Variants in EDAR observed in about 807,000 individuals in gnomAD.
The protein encoded by EDAR is tumor necrosis factor receptor superfamily member EDAR.
In EDAR, 38 loss-of-function variants were observed where a neutral mutation model predicts 51.3. That is an observed-to-expected ratio of 0.74 (90% CI 0.57 to 0.97). EDAR has a LOEUF of 0.97. EDAR is among the 50% of genes least tolerant of loss of function. The pLI, the probability that EDAR is intolerant of heterozygous loss-of-function variation, is 0.00. For missense variants in EDAR, 528 were observed against 595.0 expected (o/e 0.89, Z 1.17); for synonymous variants, 227 against 242.1 (o/e 0.94, Z 0.58).
chr2:108,943,918 C>T (rs974918800), intron 1 of EDAR, among the ~76,000 whole-genome samples: 5 of 152,222 alleles, frequency 3.3e-5, no homozygotes. Flanking sequence ...AGTTACGTTG[C>T]TTCCAAAACA....
intron 1 of EDAR, among the ~76,000 whole-genome samples, chr2:108,978,168 C>T (rs764865802): frequency 1.3e-5 from 2 of 152,216 alleles, no homozygotes; most frequent in African/African-American, 2.4e-5. Flanking sequence ...AGTACAGGGC[C>T]TGCTGAGCTA....
chr2:108,923,858 C>T (rs977905331), intron 4 of EDAR, among the ~76,000 whole-genome samples: 1 of 152,246 alleles, frequency 6.6e-6, no homozygotes, highest in Non-Finnish European at 1.5e-5. Flanking sequence ...TCTGTGAGCA[C>T]CCTCCCCAGA....
intron 11 of EDAR, among the ~76,000 whole-genome samples, chr2:108,899,874 T>C (rs1030339462): frequency 6.6e-6 from 1 of 151,986 alleles, no homozygotes; most frequent in Non-Finnish European, 1.5e-5. Flanking sequence ...TAATCCCAGC[T>C]ACTCGGGAGG....
intron 1 of EDAR, among the ~76,000 whole-genome samples, chr2:108,975,371 G>A (rs147548633): frequency 6.6e-6 from 1 of 152,354 alleles, no homozygotes; most frequent in African/African-American, 2.4e-5. Flanking sequence ...GCTTGTGGGT[G>A]CAGCTCAGCC....
chr2:108,972,710 C>G (rs1253103286), intron 1 of EDAR, among the ~76,000 whole-genome samples: 1 of 152,248 alleles, frequency 6.6e-6, no homozygotes, highest in Admixed American at 6.5e-5. Flanking sequence ...AAATAAGCAG[C>G]CCTCATCTGA....
chr2:108,953,034 G>A (rs1052111671), intron 1 of EDAR, among the ~76,000 whole-genome samples: 3 of 152,122 alleles, frequency 2.0e-5, no homozygotes, highest in African/African-American at 7.2e-5. Flanking sequence ...ACATATTTAT[G>A]TGGTACATGA....
At chr2:108,911,851 C>A (rs1204199492) in intron 6 of EDAR, among the ~76,000 whole-genome samples, 2 of 152,306 alleles carry the variant, frequency 1.3e-5, no homozygotes, top group African/African-American at 4.8e-5. Context: ...GGGCGCTGAG[C>A]CTCCCCTGTG....
At chr2:108,941,589 AG>A (rs138017179) in intron 1 of EDAR, among the ~76,000 whole-genome samples, 106 of 152,332 alleles carry the variant, frequency 7.0e-4, no homozygotes, top group Non-Finnish European at 1.3e-3. Context: ...CATGGCCAAC[AG>A]GGAAGAGTAG....
At chr2:108,945,664 C>T (rs1382279884) in intron 1 of EDAR, among the ~76,000 whole-genome samples, 1 of 152,128 alleles carries the variant, frequency 6.6e-6, no homozygotes, top group Non-Finnish European at 1.5e-5. Context: ...TTTCTAAATG[C>T]CATGGATCCC....
At chr2:108,962,630 G>C (rs1037204348) in intron 1 of EDAR, among the ~76,000 whole-genome samples, 1 of 137,466 alleles carries the variant, frequency 7.3e-6, no homozygotes, top group Non-Finnish European at 1.5e-5. Context: ...AGCCGAGATC[G>C]CTCCACTGCC....
At chr2:108,988,842 C>G (rs917544304) in intron 1 of EDAR, 118 bp downstream of exon 1, 3 of 152,216 alleles carry the variant, frequency 2.0e-5, no homozygotes, top group South Asian at 2.1e-4. Flanking sequence ...TGTTCAAACG[C>G]AACCCAAAAA....
At chr2:108,919,802 G>A (rs963354453) in intron 5 of EDAR, among the ~76,000 whole-genome samples, 8 of 152,202 alleles carry the variant, frequency 5.3e-5, no homozygotes, top group African/African-American at 1.9e-4. Context: ...CCCGCACTAC[G>A]AAGCTGCCTC....
chr2:108,906,162 G>GT (rs1558798799), intron 11 of EDAR, 146 bp downstream of exon 11: 4 of 780,176 alleles, frequency 5.1e-6, no homozygotes, highest in Admixed American at 2.1e-5. Context: ...ACCTGAAATA[G>GT]TTTCCAGCGG....
chr2:108,925,464 G>T (rs930766449), intron 4 of EDAR, among the ~76,000 whole-genome samples: 5 of 152,202 alleles, frequency 3.3e-5, no homozygotes, highest in Non-Finnish European at 7.3e-5. Context: ...CATGGGGAGG[G>T]TGGTGGCTCT....
chr2:108,946,179 G>A (rs1376289503), intron 1 of EDAR, among the ~76,000 whole-genome samples: 1 of 152,140 alleles, frequency 6.6e-6, no homozygotes, highest in Non-Finnish European at 1.5e-5. Flanking sequence ...CAGCTGTGAG[G>A]AGCTGTCAGG....
chr2:108,905,846 G>A (rs917216107), intron 11 of EDAR, among the ~76,000 whole-genome samples: 1 of 152,206 alleles, frequency 6.6e-6, no homozygotes, highest in Admixed American at 6.5e-5. Flanking sequence ...ACTTAGCTCA[G>A]AAGGCCGCTG....
intron 1 of EDAR, among the ~76,000 whole-genome samples, chr2:108,932,041 G>A (rs557828171): frequency 2.6e-5 from 4 of 152,124 alleles, no homozygotes; most frequent in South Asian, 2.1e-4. Flanking sequence ...GAATTCTCTC[G>A]TCCTTAGCAA....
chr2:108,986,812 T>G (rs959637978), intron 1 of EDAR, among the ~76,000 whole-genome samples: 1 of 152,178 alleles, frequency 6.6e-6, no homozygotes, highest in African/African-American at 2.4e-5. Context: ...AATATACGAA[T>G]TCAGTAAGGA....
chr2:108,979,499 ACG>A (rs1296174408), intron 1 of EDAR, among the ~76,000 whole-genome samples: 2 of 148,040 alleles, frequency 1.4e-5, no homozygotes, highest in Admixed American at 6.7e-5. Flanking sequence ...ACACACACAC[ACG>A]CATGGCACAC....
Sources: gnomAD v4.1 joint callset for allele counts (sites outside exome capture counted in the v4.1 genomes callset) on GRCh38, gnomAD v4.1.1 for gene constraint, MANE v1.5 for transcripts, NCBI Gene and HGNC (gene_info 2026-07-23, HGNC 2026-07-21) for gene names.